BACE2: variants seen among roughly 807,000 people sequenced by gnomAD.
The protein encoded by BACE2 is 56 kDa aspartic-like protease.
A neutral mutation model predicts 46.2 loss-of-function variants in BACE2; 17 were observed. The observed-to-expected ratio is 0.37, with a 90% CI of 0.25 to 0.55. The LOEUF is 0.55. Ranked by LOEUF, BACE2 falls within the 20% of genes least tolerant of loss-of-function variation. The probability of loss-of-function intolerance (pLI) is 0.82; values close to 1 mark genes in which losing one functional copy is unlikely to be tolerated. For missense variants in BACE2, 595 were observed against 698.1 expected, an observed-to-expected ratio of 0.85 and a Z score of 1.66; for synonymous variants, 277 against 295.9, an observed-to-expected ratio of 0.94 and a Z score of 0.66.
intron 7 of BACE2, among the ~76,000 whole-genome samples, chr21:41,252,082 T>C (rs1338693937): frequency 2.0e-5 from 3 of 152,158 alleles, no homozygotes; most frequent in African/African-American, 7.2e-5. Context: ...TCTCTTCTTT[T>C]TGAAACTGTT....
chr21:41,225,726 T>C (rs1986796863), intron 1 of BACE2: 2 of 152,670 alleles, frequency 1.3e-5, no homozygotes, highest in African/African-American at 4.8e-5. Context: ...GTTTTTATTA[T>C]ATGCAAATTA....
chr21:41,246,136 G>C, intron 6 of BACE2, 73 bp downstream of exon 6: 1 of 1,173,156 alleles, frequency 8.5e-7, no homozygotes, highest in South Asian at 1.4e-5. Context: ...AGCACTGCGT[G>C]TTCTGAGCAT....
intron 7 of BACE2, among the ~76,000 whole-genome samples, chr21:41,256,559 C>T (rs767543705): frequency 1.3e-5 from 2 of 152,220 alleles, no homozygotes; most frequent in Non-Finnish European, 2.9e-5. Flanking sequence ...ACTTTGGTCT[C>T]TTAATCCAAA....
intron 6 of BACE2, among the ~76,000 whole-genome samples, chr21:41,247,584 G>A (rs1164664753): frequency 2.0e-5 from 3 of 152,228 alleles, no homozygotes; most frequent in Non-Finnish European, 4.4e-5. Context: ...CCATCCCGAG[G>A]ACGTGTTTGA....
chr21:41,263,948 T>C (rs1378498285), intron 8 of BACE2, among the ~76,000 whole-genome samples: 1 of 152,194 alleles, frequency 6.6e-6, no homozygotes, highest in Admixed American at 6.5e-5. Context: ...TGCACATTCT[T>C]TCTAGTCTCT....
At chr21:41,185,729 G>C (rs1985347387) in intron 1 of BACE2, among the ~76,000 whole-genome samples, 1 of 152,188 alleles carries the variant, frequency 6.6e-6, no homozygotes, top group Non-Finnish European at 1.5e-5. Context: ...CAGCCAACAA[G>C]GATGCCCTCG....
At chr21:41,195,807 G>A (rs912372629) in intron 1 of BACE2, among the ~76,000 whole-genome samples, 7 of 152,174 alleles carry the variant, frequency 4.6e-5, no homozygotes, top group African/African-American at 7.2e-5. Flanking sequence ...AAAGCTTTTC[G>A]AAAAATGTAG....
rs1174890054 is a variant in BACE2, at chr21:41,168,349, T to G, written c.86T>G (p.Phe29Cys). 2.9e-6 allele frequency: 4 copies of G among 1,382,322 alleles called. No homozygotes were observed. In the South Asian group the frequency reaches 5.0e-5, roughly 17 times the overall value. The allele number at this position is 1,382,322 out of a possible 1,614,324, so 85.6% of individuals were successfully genotyped here. The change falls in exon 1 of 9, where the codon TTC becomes TGC. Residue 29 changes from phenylalanine (F) to cysteine (C), a missense_variant. Coordinates refer to ENST00000330333, the MANE Select transcript of BACE2 (RefSeq NM_012105.5). ...RAAPELAPAP[F>C]TLPLRVAAAT... ...GCCCCGGAGCTGGCCCCCGCGCCCT[T>G]CACGCTGCCCCTCCGGGTGGCCGCG...
intron 7 of BACE2, among the ~76,000 whole-genome samples, chr21:41,255,312 C>T (rs1987751674): frequency 6.6e-6 from 1 of 152,072 alleles, no homozygotes; most frequent in Admixed American, 6.5e-5. Context: ...ACGGGGTGAC[C>T]TAGGGCCATG....
At chr21:41,231,247 G>T (rs943654016) in intron 2 of BACE2, among the ~76,000 whole-genome samples, 1 of 152,210 alleles carries the variant, frequency 6.6e-6, no homozygotes, top group Admixed American at 6.5e-5. Flanking sequence ...TGAGGATGTT[G>T]ATGAACCGCC....
chr21:41,275,847 A>C lies in BACE2; in HGVS notation c.*223A>C. 1.6e-6 allele frequency: 1 copy of C among 614,472 alleles called. No homozygotes were observed. The highest frequency in any genetic ancestry group is 2.7e-6 in the Non-Finnish European group (1 of 365,694). 38.1% of individuals were successfully genotyped at this position (614,472 alleles called of 1,614,324 possible). On this transcript the variant is annotated 3_prime_UTR_variant, in exon 9 of 9. Transcript: ENST00000330333. Reference sequence around the variant, plus strand: ...GAAAAATAATTAAAAAAAAAACTTCATTCTAAACCAAAACAGAGTGGATTG... The same window carrying C: ...GAAAAATAATTAAAAAAAAAACTTCCTTCTAAACCAAAACAGAGTGGATTG...
At chr21:41,175,310 G>GCC (rs1984780409) in intron 1 of BACE2, 2 of 152,226 alleles carry the variant, frequency 1.3e-5, no homozygotes, top group South Asian at 4.1e-4. Flanking sequence ...TGCCATTGCA[G>GCC]GAAGACAAAG....
At chr21:41,227,502 A>G (rs1167153679) in intron 2 of BACE2, among the ~76,000 whole-genome samples, 1 of 152,226 alleles carries the variant, frequency 6.6e-6, no homozygotes, top group African/African-American at 2.4e-5. Context: ...TATGAAAGAA[A>G]GCATAGAGGA....
intron 1 of BACE2, among the ~76,000 whole-genome samples, chr21:41,199,496 A>T (rs991720045): frequency 5.3e-5 from 8 of 152,104 alleles, no homozygotes; most frequent in African/African-American, 1.9e-4. Context: ...CCCCGGGGAA[A>T]GTAGTACCAC....
At chr21:41,269,049 G>A (rs1210751372) in intron 8 of BACE2, among the ~76,000 whole-genome samples, 1 of 152,022 alleles carries the variant, frequency 6.6e-6, no homozygotes, top group Non-Finnish European at 1.5e-5. Context: ...CTGCCTCCCG[G>A]GTTCAAGGGA....
chr21:41,203,096 C>G (rs374920231), intron 1 of BACE2, among the ~76,000 whole-genome samples: 1 of 152,158 alleles, frequency 6.6e-6, no homozygotes, highest in East Asian at 1.9e-4. Flanking sequence ...GTGCAACAGT[C>G]ACCAAAAATC....
chr21:41,248,937 C>T (rs1987555356), intron 6 of BACE2, among the ~76,000 whole-genome samples: 1 of 152,208 alleles, frequency 6.6e-6, no homozygotes, highest in South Asian at 2.1e-4. Flanking sequence ...TCTCCCTGTC[C>T]CTGTGCCCCT....
At chr21:41,172,366 G>T (rs184676973) in intron 1 of BACE2, among the ~76,000 whole-genome samples, 61 of 152,350 alleles carry the variant, frequency 4.0e-4, no homozygotes, top group African/African-American at 1.4e-3. Flanking sequence ...CTGATGGAGT[G>T]TTGGACACTC....
Position 41,237,662 on chromosome 21 carries a change from A to G in BACE2, c.551A>G (p.Glu184Gly). Residue 184 changes from glutamate (E) to glycine (G), a missense_variant, in exon 3 of 9, where the codon GAG becomes GGG. Transcript: ENST00000330333. Reference sequence around the variant, plus strand: ...AACATTGCCACTATTTTTGAATCAGAGAATTTCTTTTTGCCTGGGATTAAA... The same window carrying G: ...AACATTGCCACTATTTTTGAATCAGGGAATTTCTTTTTGCCTGGGATTAAA... ...LVNIATIFESENFFLPGIKWN... is the reference protein window; with the variant it reads ...LVNIATIFESGNFFLPGIKWN... The G allele has an allele frequency of 6.2e-7, 1 of 1,614,174 alleles. No homozygotes were observed. Among genetic ancestry groups the G allele is most frequent in the Non-Finnish European group, 8.5e-7 (1 of 1,180,026 alleles).
Sources: allele counts gnomAD v4.1 joint callset (sites outside exome capture counted in the v4.1 genomes callset), GRCh38; gene constraint gnomAD v4.1.1; transcripts MANE v1.5; gene names NCBI Gene and HGNC (gene_info 2026-07-23, HGNC 2026-07-21).